GPATCH1: variants seen among roughly 807,000 people sequenced by gnomAD.
GPATCH1 encodes the protein G patch domain-containing protein 1.
Under a neutral mutation model 114.9 loss-of-function variants are expected in GPATCH1, and 73 were observed. That is an observed-to-expected ratio of 0.64 (90% CI 0.53 to 0.77). The LOEUF (loss-of-function observed/expected upper bound fraction) is 0.77, where lower values mean the gene tolerates loss of function less well. GPATCH1 is among the 30% of genes least tolerant of loss of function. GPATCH1 has a pLI of 0.00. For missense variants in GPATCH1, 1,058 were observed against 1,144.3 expected, an observed-to-expected ratio of 0.92 and a Z score of 1.09; for synonymous variants, 391 against 428.4, an observed-to-expected ratio of 0.91 and a Z score of 1.08.
chr19:33,081,580 C>CT (rs2145294109), intron 1 of GPATCH1, among the ~76,000 whole-genome samples: 1 of 152,110 alleles, frequency 6.6e-6, no homozygotes, highest in African/African-American at 2.4e-5. Flanking sequence ...GACGTTTGAG[C>CT]TCAGACTTGA....
At chr19:33,088,307 C>A in intron 2 of GPATCH1, 39 bp downstream of exon 2, 2 of 1,403,050 alleles carry the variant, frequency 1.4e-6, no homozygotes, top group Non-Finnish European at 2.0e-6. Context: ...ACCATTAAAG[C>A]AAATGATCAA....
chr19:33,124,730 A>G (rs1454829299), intron 17 of GPATCH1, among the ~76,000 whole-genome samples: 1 of 152,126 alleles, frequency 6.6e-6, no homozygotes, highest in Admixed American at 6.6e-5. Flanking sequence ...CGAAGATCAC[A>G]GTGCTGGCAG....
Position 33,096,326 on chromosome 19 carries a change from C to T in GPATCH1, c.732C>T (p.His244=). 1 of 1,614,150 alleles carries T rather than the reference C, an allele frequency of 6.2e-7. No homozygotes were observed. The highest frequency in any genetic ancestry group is 8.5e-7 in the Non-Finnish European group (1 of 1,180,012). Residue 244 remains histidine (H), a synonymous_variant, in exon 7 of 20, where the codon CAC becomes CAT. Transcript: ENST00000170564. ...TAGCTTACAAGGGCCTGGATCCCCA[C>T]CAGGCACTGTTTGGAACTTCGGGAG... ...HGLAYKGLDP[H]QALFGTSGEH...
intron 10 of GPATCH1, among the ~76,000 whole-genome samples, chr19:33,107,102 T>C (rs1313357830): frequency 6.6e-6 from 1 of 152,184 alleles, no homozygotes; most frequent in African/African-American, 2.4e-5. Context: ...TTTAAACTTA[T>C]TTATTTTGAG....
At chr19:33,122,630 T>C (rs2145339461) in intron 17 of GPATCH1, among the ~76,000 whole-genome samples, 2 of 152,314 alleles carry the variant, frequency 1.3e-5, no homozygotes, top group Middle Eastern at 6.8e-3. Flanking sequence ...GCCGGCTCTT[T>C]AGTTTCAAAC....
At chr19:33,109,153 G>A (rs1178411183) in intron 10 of GPATCH1, among the ~76,000 whole-genome samples, 1 of 152,046 alleles carries the variant, frequency 6.6e-6, no homozygotes, top group Non-Finnish European at 1.5e-5. Flanking sequence ...AGAGGTGGAG[G>A]TTGCAGTGAG....
intron 7 of GPATCH1, among the ~76,000 whole-genome samples, chr19:33,097,038 CG>C (rs747827214): frequency 7.4e-4 from 112 of 151,368 alleles, no homozygotes; most frequent in Non-Finnish European, 1.3e-3. Flanking sequence ...CTCCACCTCC[CG>C]GGTTGAAGCG....
intron 3 of GPATCH1, among the ~76,000 whole-genome samples, chr19:33,091,445 C>G (rs989079376): frequency 8.4e-5 from 12 of 142,794 alleles, no homozygotes; most frequent in Non-Finnish European, 1.7e-4. Context: ...AAAAGTAAAG[C>G]CTCTATTGCC....
At chr19:33,103,634 G>T (rs1972751749) in intron 9 of GPATCH1, among the ~76,000 whole-genome samples, 1 of 152,150 alleles carries the variant, frequency 6.6e-6, no homozygotes, top group Non-Finnish European at 1.5e-5. Flanking sequence ...CTGGAAGGTG[G>T]AGGTTGCAGT....
Position 33,125,154 on chromosome 19 carries a change from C to A in GPATCH1, c.2571C>A (p.Asn857Lys), listed in dbSNP as rs764087854. 2.5e-6 allele frequency: 4 copies of A among 1,598,920 alleles called. No homozygotes were observed. The highest frequency in any genetic ancestry group is 3.4e-6 in the Non-Finnish European group (4 of 1,172,478). The stretch of plus-strand genomic sequence containing the variant: ...CTCAAAAAGAGAAACATAAAAAGAA[C>A]AAAGACAAGCACAAGGCCAAGAAAG... ...EVPQKEKHKK[N>K]KDKHKAKKEH... The change falls in exon 18 of 20, where the codon AAC (asparagine) becomes AAA (lysine). Residue 857 changes from asparagine to lysine, a missense_variant. Transcript: ENST00000170564.
At chr19:33,099,108 G>A (rs537956686) in intron 8 of GPATCH1, among the ~76,000 whole-genome samples, 1 of 147,026 alleles carries the variant, frequency 6.8e-6, no homozygotes, top group South Asian at 2.1e-4. Flanking sequence ...ATTATATATT[G>A]TATATGATTT....
At position 33,117,940 on chromosome 19, in the gene GPATCH1, A is replaced by G. The variant is rs746483635; in HGVS notation, c.2312A>G (p.Asp771Gly). Residue 771 changes from aspartate to glycine, a missense_variant, in exon 16 of 20, where the codon GAT becomes GGT. Around this residue, in one of 3 missense-constraint regions of GPATCH1, gnomAD observed 893 missense variants for 977.4 expected, o/e 0.91. Coordinates refer to ENST00000170564, the MANE Select transcript of GPATCH1 (RefSeq NM_018025.3). The stretch of plus-strand genomic sequence containing the variant: ...GATGAAAAGTCCTCATCCTCCGAGG[A>G]TGAGCAAGGTGACAGTGAAGATGAT... Reference protein sequence around the residue: ...SSDEKSSSSEDEQGDSEDDQA... With the variant: ...SSDEKSSSSEGEQGDSEDDQA... 6.2e-7 allele frequency: 1 copy of G among 1,613,914 alleles called. No homozygotes were observed. Among genetic ancestry groups the G allele is most frequent in the Non-Finnish European group, 8.5e-7 (1 of 1,179,942 alleles).
intron 1 of GPATCH1, among the ~76,000 whole-genome samples, chr19:33,083,966 T>C (rs1972508124): frequency 6.6e-6 from 1 of 151,954 alleles, no homozygotes; most frequent in African/African-American, 2.4e-5. Context: ...CCCACCACCA[T>C]GCCCGGCTAA....
rs185824677 is a variant in GPATCH1 at position 33,118,962 on chromosome 19, C to T, written c.2414-48C>T. 86 of 1,107,114 alleles carry T rather than the reference C, an allele frequency of 7.8e-5. No homozygotes were observed. The African/African-American group carries it at 8.1e-4, about 10-fold the overall frequency. The allele number at this position is 1,107,114 out of a possible 1,614,324, so 68.6% of individuals were successfully genotyped here. On this transcript the variant is annotated intron_variant, in intron 16 of 19. Transcript: ENST00000170564. ...AAGACATGAATGAAAGACTCAGAGA[C>T]ATTAACATGGGGCAGACGAATGACA...
chr19:33,085,884 C>T (rs1217051390), intron 1 of GPATCH1, among the ~76,000 whole-genome samples: 2 of 152,154 alleles, frequency 1.3e-5, no homozygotes, highest in Non-Finnish European at 2.9e-5. Context: ...GCTTGGCCCT[C>T]ATCATCTGCC....
In GPATCH1 at chr19:33,129,807, G is replaced by A. The variant is rs1973082437; in HGVS notation, c.2766-323G>A. Among the ~76,000 whole-genome samples the A allele has an allele frequency of 2.0e-5, 3 of 152,284 alleles. No homozygotes were observed. In the South Asian group the frequency reaches 6.2e-4, roughly 32 times the overall value. On this transcript the variant is annotated intron_variant, in intron 19 of 19. Coordinates refer to ENST00000170564, the MANE Select transcript of GPATCH1 (RefSeq NM_018025.3). ...AAAAATACAAAAATTAGCTGGGTAT[G>A]GTGGCATGTGCCTGTAATCCCAGCT...
At chr19:33,111,181 T>A (rs2145327669) in intron 11 of GPATCH1, among the ~76,000 whole-genome samples, 1 of 151,494 alleles carries the variant, frequency 6.6e-6, no homozygotes, top group South Asian at 2.1e-4. Flanking sequence ...TATAGGTATG[T>A]GCCACCACGC....
rs571210378 is a variant in GPATCH1 at position 33,124,444 on chromosome 19, G to A, written c.2522-661G>A. Reference sequence around the variant, plus strand: ...CCTGCCTGGGCCTCCCAAAGTGTTGGGATTACAGGCATGAGCCACCGCTCC... The same window carrying A: ...CCTGCCTGGGCCTCCCAAAGTGTTGAGATTACAGGCATGAGCCACCGCTCC... On this transcript the variant is annotated intron_variant, in intron 17 of 19. Transcript: ENST00000170564. 4.6e-5 allele frequency among the ~76,000 whole-genome samples: 7 copies of A among 152,206 alleles called. No individual in the cohort carries two copies. The South Asian group carries it at 1.2e-3, about 27-fold the overall frequency.
intron 15 of GPATCH1, among the ~76,000 whole-genome samples, chr19:33,115,917 A>G (rs528999555): frequency 6.6e-6 from 1 of 152,180 alleles, no homozygotes; most frequent in Non-Finnish European, 1.5e-5. Flanking sequence ...GTATGATGTT[A>G]TATTTTCTGT....
Sources: allele counts gnomAD v4.1 joint callset (sites outside exome capture counted in the v4.1 genomes callset), GRCh38; gene constraint gnomAD v4.1.1; regional missense constraint gnomAD v4.1.1; transcripts MANE v1.5; gene names NCBI Gene and HGNC (gene_info 2026-07-23, HGNC 2026-07-21).